The following RBPMS variants were observed in gnomAD, a reference collection of about 807,000 sequenced individuals.
The protein encoded by RBPMS is RNA-binding protein with multiple splicing.
In RBPMS, 7 loss-of-function variants were observed where a neutral mutation model predicts 26.8. The ratio of observed to expected loss-of-function variants is 0.26; its 90% confidence interval spans 0.15 to 0.49. The LOEUF is 0.49. RBPMS is among the 20% of genes least tolerant of loss of function. The pLI, the probability that RBPMS is intolerant of heterozygous loss-of-function variation, is 0.98. For missense variants in RBPMS, 186 were observed against 250.0 expected (o/e 0.74, Z 1.73); for synonymous variants, 96 against 93.3 (o/e 1.03, Z -0.17).
chr8:30,540,024 C>T (rs1048750017), intron 5 of RBPMS, among the ~76,000 whole-genome samples: 1 of 152,204 alleles, frequency 6.6e-6, no homozygotes, highest in Non-Finnish European at 1.5e-5. Context: ...ACTGCTGTGA[C>T]TGGGGAGGTG....
intron 4 of RBPMS, among the ~76,000 whole-genome samples, chr8:30,503,700 G>T (rs1425801375): frequency 1.3e-5 from 2 of 152,156 alleles, no homozygotes; most frequent in African/African-American, 2.4e-5. Flanking sequence ...CAGGACTCCA[G>T]TCCCTTTCCA....
chr8:30,473,425 T>C (rs1817353115), intron 1 of RBPMS, among the ~76,000 whole-genome samples: 2 of 152,204 alleles, frequency 1.3e-5, no homozygotes, highest in African/African-American at 4.8e-5. Context: ...TATATGTATT[T>C]ACATATGTGT....
rs369365898 is a variant in RBPMS, at chr8:30,421,150, G to GGT, written c.66+36006_66+36007dup. ...TTGTGAAAATTTGTTTTCTTAGGGA[G>GGT]GTGTGTGTGTGTGTGAGAGAGAGTG... On this transcript the variant is annotated intron_variant, in intron 1 of 8. Transcript: ENST00000397323. Among the ~76,000 whole-genome samples the GGT allele has an allele frequency of 3.2e-4, 48 of 151,684 alleles. 2 individuals are homozygous for GGT. Among genetic ancestry groups the GGT allele is most frequent in the South Asian group, 1.0e-3 (5 of 4,790 alleles).
intron 4 of RBPMS, among the ~76,000 whole-genome samples, chr8:30,499,876 G>C (rs1585672663): frequency 1.6e-4 from 1 of 6,116 alleles, no homozygotes; most frequent in African/African-American, 2.0e-4. Context: ...GAAACTGTGT[G>C]TGTGTGTGTG....
At chr8:30,541,012 G>C (rs1825332502) in intron 5 of RBPMS, among the ~76,000 whole-genome samples, 1 of 152,130 alleles carries the variant, frequency 6.6e-6, no homozygotes, top group South Asian at 2.1e-4. Context: ...GCATGAAGTT[G>C]CTATGGAATA....
intron 1 of RBPMS, among the ~76,000 whole-genome samples, chr8:30,415,293 G>C (rs1809933755): frequency 6.6e-6 from 1 of 152,046 alleles, no homozygotes; most frequent in Non-Finnish European, 1.5e-5. Context: ...TCCTATTTCA[G>C]GCTACCAGCA....
intron 1 of RBPMS, among the ~76,000 whole-genome samples, chr8:30,434,949 T>C (rs1812295521): frequency 6.6e-6 from 1 of 152,092 alleles, no homozygotes; most frequent in Admixed American, 6.6e-5. Context: ...AGACATAAAA[T>C]GGAAGTGTTC....
At chr8:30,549,565 C>T (rs1001843449) in intron 6 of RBPMS, 12 of 1,614,000 alleles carry the variant, frequency 7.4e-6, no homozygotes, top group Non-Finnish European at 9.3e-6. Context: ...ATAGTGCCAG[C>T]CTGGCCTGGT....
At chr8:30,434,575 G>GTGCC (rs1812250631) in intron 1 of RBPMS, among the ~76,000 whole-genome samples, 1 of 151,758 alleles carries the variant, frequency 6.6e-6, no homozygotes, top group African/African-American at 2.4e-5. Flanking sequence ...ATGGTGGCAG[G>GTGCC]TGCCTGTAAA....
At chr8:30,557,305 T>C (rs1827023164) in intron 6 of RBPMS, among the ~76,000 whole-genome samples, 1 of 152,174 alleles carries the variant, frequency 6.6e-6, no homozygotes, top group African/African-American at 2.4e-5. Context: ...CAGGCCGCCT[T>C]GTGCTCGGAC....
At chr8:30,561,487 G>A (rs937463608) in intron 7 of RBPMS, among the ~76,000 whole-genome samples, 1 of 152,178 alleles carries the variant, frequency 6.6e-6, no homozygotes, top group Non-Finnish European at 1.5e-5. Context: ...CCGAGGATGA[G>A]GTAACTGGAA....
At chr8:30,559,807 G>A (rs1436083563) in intron 7 of RBPMS, among the ~76,000 whole-genome samples, 1 of 152,216 alleles carries the variant, frequency 6.6e-6, no homozygotes, top group Non-Finnish European at 1.5e-5. Context: ...ATGCTAAAGA[G>A]ATCATGGCAA....
intron 1 of RBPMS, among the ~76,000 whole-genome samples, chr8:30,416,387 A>G (rs2150598824): frequency 6.6e-6 from 1 of 152,062 alleles, no homozygotes; most frequent in South Asian, 2.1e-4. Flanking sequence ...GCTGGAGTGC[A>G]GTGGTGTGAT....
At chr8:30,446,833 G>A (rs1813863083) in intron 1 of RBPMS, 1 of 101,304 alleles carries the variant, frequency 9.9e-6, no homozygotes, top group African/African-American at 5.0e-5. Flanking sequence ...GTGTGTGTGT[G>A]TGTGTGTGTG....
At chr8:30,491,725 T>G (rs1029624463) in intron 4 of RBPMS, among the ~76,000 whole-genome samples, 3 of 152,170 alleles carry the variant, frequency 2.0e-5, no homozygotes, top group African/African-American at 7.2e-5. Flanking sequence ...AAGTAAACTT[T>G]GCAGAACGAT....
intron 4 of RBPMS, among the ~76,000 whole-genome samples, chr8:30,485,015 G>C (rs1443891098): frequency 1.3e-5 from 2 of 152,172 alleles, no homozygotes; most frequent in African/African-American, 2.4e-5. Flanking sequence ...ACAAGCAAAA[G>C]CATTTGCAAA....
intron 4 of RBPMS, among the ~76,000 whole-genome samples, chr8:30,494,171 G>A (rs1231884419): frequency 1.3e-5 from 2 of 152,208 alleles, no homozygotes; most frequent in Non-Finnish European, 2.9e-5. Flanking sequence ...TCAGCTCCCT[G>A]TGGGGGAAAC....
chr8:30,417,018 G>A (rs1045326006), intron 1 of RBPMS, among the ~76,000 whole-genome samples: 14 of 152,146 alleles, frequency 9.2e-5, no homozygotes, highest in African/African-American at 3.1e-4. Context: ...GATCCTGCCC[G>A]CCTTGGCCTT....
intron 1 of RBPMS, among the ~76,000 whole-genome samples, chr8:30,473,217 TTTC>T (rs1817327964): frequency 6.6e-6 from 1 of 152,220 alleles, no homozygotes; most frequent in African/African-American, 2.4e-5. Flanking sequence ...CCAAGAATGT[TTTC>T]TTCTTCTCCT....
Sources: allele counts gnomAD v4.1 joint callset (sites outside exome capture counted in the v4.1 genomes callset), GRCh38; gene constraint gnomAD v4.1.1; transcripts MANE v1.5; gene names NCBI Gene and HGNC (gene_info 2026-07-23, HGNC 2026-07-21).